Variants in RAC2 observed in about 807,000 individuals in gnomAD.
RAC2 encodes the protein Rac family small GTPase 2, also known as ras-related C3 botulinum toxin substrate 2.
A neutral mutation model predicts 24.0 loss-of-function variants in RAC2; 1 was observed. That is an observed-to-expected ratio of 0.04 (90% confidence interval 0.01 to 0.20). The LOEUF (loss-of-function observed/expected upper bound fraction) is 0.20. Among genes scored for constraint, RAC2 ranks in the 10% least tolerant of loss-of-function variants. RAC2 has a pLI of 1.00. For missense variants in RAC2, 130 were observed against 259.1 expected, an observed-to-expected ratio of 0.50 and a Z score of 3.42; for synonymous variants, 114 against 106.8, an observed-to-expected ratio of 1.07 and a Z score of -0.41.
intron 2 of RAC2, among the ~76,000 whole-genome samples, chr22:37,236,423 G>A (rs186830578): frequency 1.6e-4 from 24 of 152,298 alleles, no homozygotes; most frequent in Non-Finnish European, 2.6e-4. Context: ...CCCATTTTCC[G>A]GATGAAGAAA....
At chr22:37,243,289 T>A (rs906317198) in intron 1 of RAC2, among the ~76,000 whole-genome samples, 1 of 152,200 alleles carries the variant, frequency 6.6e-6, no homozygotes, top group Non-Finnish European at 1.5e-5. Context: ...CATGAGCCAC[T>A]GCACCTGGCC....
At chr22:37,232,660 T>C (rs557221152) in intron 3 of RAC2, 141 bp downstream of exon 3, 61 of 712,536 alleles carry the variant, frequency 8.6e-5, no homozygotes, top group South Asian at 4.9e-4. Context: ...GCCTGGGACA[T>C]GCAAGGCAGG....
chr22:37,243,378 T>C (rs555689791), intron 1 of RAC2, among the ~76,000 whole-genome samples: 1 of 152,166 alleles, frequency 6.6e-6, no homozygotes, highest in African/African-American at 2.4e-5. Context: ...ATCTGACAAC[T>C]GAGAAGGGTC....
intron 5 of RAC2, 84 bp from the exon 6 acceptor site, chr22:37,226,887 C>G (rs1926856897): frequency 2.6e-6 from 4 of 1,544,956 alleles, no homozygotes; most frequent in Non-Finnish European, 3.5e-6. Flanking sequence ...CCATACAACC[C>G]CTTCCACGCC....
chr22:37,240,936 G>A, intron 2 of RAC2: 1 of 691,894 alleles, frequency 1.4e-6, no homozygotes, highest in Non-Finnish European at 2.7e-6. Context: ...AAAGTAATGG[G>A]TAATAAGGCC....
chr22:37,241,476 G>T, intron 2 of RAC2, 111 bp downstream of exon 2: 3 of 1,147,528 alleles, frequency 2.6e-6, no homozygotes, highest in Non-Finnish European at 2.6e-6. Context: ...TGGGCTGGAG[G>T]CTGTGGGTGC....
intron 1 of RAC2, 130 bp downstream of exon 1, chr22:37,243,984 C>T (rs1045658295): frequency 3.7e-5 from 47 of 1,259,732 alleles, no homozygotes; most frequent in South Asian, 2.4e-4. Flanking sequence ...GAGAAGGAAG[C>T]GTCCCCTCCA....
chr22:37,229,877 C>G (rs536105121), intron 5 of RAC2, among the ~76,000 whole-genome samples: 1 of 152,168 alleles, frequency 6.6e-6, no homozygotes, highest in African/African-American at 2.4e-5. Context: ...AGTATCAGAG[C>G]CAGGACCAGA....
chr22:37,234,639 G>A lies in RAC2; in HGVS notation c.108-1721C>T, dbSNP rs893917502. Among the ~76,000 whole-genome samples, 7 of 152,034 alleles carry A rather than the reference G, an allele frequency of 4.6e-5. No individual in the cohort carries two copies. In the South Asian group the frequency reaches 8.3e-4, roughly 18 times the overall value. On this transcript the variant is annotated intron_variant, in intron 2 of 6. Transcript: ENST00000249071. ...CCTCCCCTCGCACACCAGCCAAGCC[G>A]TTTCCCGGGAAAGGCTCACACTGCC... is the stretch of plus-strand genomic sequence containing the variant.
At chr22:37,240,867 A>G (rs1318577071) in intron 2 of RAC2, 3 of 615,002 alleles carry the variant, frequency 4.9e-6, no homozygotes, top group Non-Finnish European at 9.0e-6. Context: ...GCCCTGGGGT[A>G]GAAATGTGCA....
intron 3 of RAC2, chr22:37,232,511 G>A (rs1927096988): frequency 2.0e-6 from 1 of 492,564 alleles, no homozygotes; most frequent in East Asian, 3.9e-5. Flanking sequence ...GCCTCCTGGG[G>A]CCCTGTGCAG....
In RAC2 at chr22:37,231,440, G is replaced by A. The variant is rs200341320; in HGVS notation, c.289-50C>T. The A allele has an allele frequency of 1.5e-4, 241 of 1,565,738 alleles. 1 individual carries two copies. In the East Asian group the frequency reaches 3.5e-3, roughly 23 times the overall value. Reference sequence around the variant, plus strand: ...AAGGTTGTATGGGTCAAGAGGGGGCGCGAGGCTGTGCGGGGATCAGAGGGA... The same window carrying A: ...AAGGTTGTATGGGTCAAGAGGGGGCACGAGGCTGTGCGGGGATCAGAGGGA... On this transcript the variant is annotated intron_variant, in intron 4 of 6. Coordinates refer to ENST00000249071, the MANE Select transcript of RAC2 (RefSeq NM_002872.5). This position sits in a 1 kb window ranked among gnomAD's most constrained non-coding sequence, Gnocchi z 5.5.
At chr22:37,238,042 G>A (rs1297715924) in intron 2 of RAC2, among the ~76,000 whole-genome samples, 1 of 151,990 alleles carries the variant, frequency 6.6e-6, no homozygotes, top group Non-Finnish European at 1.5e-5. Context: ...GAGTGAAGAG[G>A]TTCGGGGGAG....
intron 3 of RAC2, 48 bp downstream of exon 3, chr22:37,232,753 A>T (rs758128596): frequency 4.0e-6 from 6 of 1,498,348 alleles, no homozygotes; most frequent in Admixed American, 3.3e-5. Flanking sequence ...AGCAGAGGGA[A>T]CAGAGACAGC....
chr22:37,236,314 T>C (rs1338327615), intron 2 of RAC2, among the ~76,000 whole-genome samples: 1 of 152,186 alleles, frequency 6.6e-6, no homozygotes, highest in Admixed American at 6.5e-5. Flanking sequence ...AATGTGTCAA[T>C]GGTGTGACAC....
Position 37,244,206 on chromosome 22 carries a change from C to G in RAC2, c.-58G>C. On this transcript the variant is annotated 5_prime_UTR_variant, in exon 1 of 7. Coordinates refer to ENST00000249071, the MANE Select transcript of RAC2 (RefSeq NM_002872.5). Reference sequence around the variant, plus strand: ...CAGCTCAGGGCCAGGCGCGTTTCTGCGGGCGCAAGGGGTGTGGAGGCTGGT... The same window carrying G: ...CAGCTCAGGGCCAGGCGCGTTTCTGGGGGCGCAAGGGGTGTGGAGGCTGGT... 1.2e-6 allele frequency: 2 copies of G among 1,601,074 alleles called. No individual in the cohort carries two copies. The highest frequency in any genetic ancestry group is 1.7e-6 in the Non-Finnish European group (2 of 1,173,064).
At position 37,241,529 on chromosome 22, in the gene RAC2, C is replaced by T. The variant is rs369009395; in HGVS notation, c.107+58G>A. On this transcript the variant is annotated intron_variant, in intron 2 of 6. Coordinates refer to ENST00000249071, the MANE Select transcript of RAC2 (RefSeq NM_002872.5). ...CACAGGAAGTGCCTGAAAGGGGGGT[C>T]GACTTGGTGACGGTCTCTCCCCTCC... is the stretch of plus-strand genomic sequence containing the variant. 7.2e-5 allele frequency: 111 copies of T among 1,536,670 alleles called. No homozygotes were observed. The African/African-American group carries it at 1.2e-3, about 16-fold the overall frequency.
intron 2 of RAC2, among the ~76,000 whole-genome samples, chr22:37,237,611 G>A (rs930691021): frequency 2.6e-5 from 4 of 152,134 alleles, no homozygotes; most frequent in African/African-American, 4.8e-5. Flanking sequence ...CCAGTTTACC[G>A]AAGAGAGGAT....
intron 5 of RAC2, among the ~76,000 whole-genome samples, chr22:37,230,691 C>T (rs1014955243): frequency 6.6e-6 from 1 of 152,042 alleles, no homozygotes; most frequent in Non-Finnish European, 1.5e-5. Flanking sequence ...AGCTGAGAAA[C>T]CAAAGGGAGT....
Sources: gnomAD v4.1 joint callset for allele counts (sites outside exome capture counted in the v4.1 genomes callset) on GRCh38, gnomAD v4.1.1 for gene constraint, Gnocchi (gnomAD v3.1) non-coding constraint, MANE v1.5 for transcripts, NCBI Gene and HGNC (gene_info 2026-07-23, HGNC 2026-07-21) for gene names.